Variants in LPP observed in about 807,000 individuals in gnomAD.
LPP encodes the protein LIM domain containing preferred translocation partner in lipoma.
A neutral mutation model predicts 60.4 loss-of-function variants in LPP; 38 were observed. The ratio of observed to expected loss-of-function variants is 0.63; its 90% confidence interval spans 0.49 to 0.83. The LOEUF is 0.83. LPP is among the 40% of genes least tolerant of loss of function. The probability of loss-of-function intolerance (pLI) is 0.00; values close to 1 mark genes in which losing one functional copy is unlikely to be tolerated. For synonymous variants in LPP, 328 were observed against 290.8 expected (o/e 1.13, Z -1.30); for missense variants, 902 against 783.6 (o/e 1.15, Z -1.80).
At chr3:188,637,400 A>T (rs1327115720) in intron 7 of LPP, among the ~76,000 whole-genome samples, 1 of 152,128 alleles carries the variant, frequency 6.6e-6, no homozygotes, top group Non-Finnish European at 1.5e-5. Context: ...AAATGCCCAC[A>T]AGAGAAAGCA....
At chr3:188,415,358 G>A (rs1018421532) in intron 4 of LPP, among the ~76,000 whole-genome samples, 1 of 152,094 alleles carries the variant, frequency 6.6e-6, no homozygotes, top group East Asian at 1.9e-4. Flanking sequence ...TTGTAGCCAC[G>A]ATGGAAAACT....
chr3:188,293,195 A>G (rs768685074), intron 2 of LPP, among the ~76,000 whole-genome samples: 6 of 152,244 alleles, frequency 3.9e-5, no homozygotes, highest in Non-Finnish European at 5.9e-5. Context: ...ACAGCACATT[A>G]TAGGTATTTA....
chr3:188,554,634 C>T (rs1212967806), intron 6 of LPP, among the ~76,000 whole-genome samples: 1 of 152,192 alleles, frequency 6.6e-6, no homozygotes. Flanking sequence ...TAGTCTATGA[C>T]TCACAATCCA....
At position 188,880,459 on chromosome 3, in the gene LPP, A is replaced by C. The variant is rs964435667; in HGVS notation, c.*5980A>C. 5.2e-6 allele frequency: 1 copy of C among 191,310 alleles called. No homozygotes were observed. Among genetic ancestry groups the C allele is most frequent in the Non-Finnish European group, 1.1e-5 (1 of 91,400 alleles). The allele number at this position is 191,310 out of a possible 1,614,324, so 11.9% of individuals were successfully genotyped here. A position where few individuals can be genotyped will look rare whatever the true frequency, so the allele number is the denominator to read the frequency against. ...TTGATGCACGAATAAATATCTCTAC[A>C]TCTAGCCTTTGTTAAAAATAAAAAT... On this transcript the variant is annotated 3_prime_UTR_variant, in exon 12 of 12. Transcript: ENST00000617246.
At chr3:188,800,963 A>G (rs1458873464) in intron 9 of LPP, among the ~76,000 whole-genome samples, 2 of 151,008 alleles carry the variant, frequency 1.3e-5, no homozygotes, top group Non-Finnish European at 3.0e-5. Flanking sequence ...CTAATTTGGA[A>G]CTCCTCCACA....
At chr3:188,657,281 T>TATATATATATATATA (rs10529848) in intron 7 of LPP, among the ~76,000 whole-genome samples, 39 of 143,514 alleles carry the variant, frequency 2.7e-4, no homozygotes, top group East Asian at 8.3e-4. Context: ...TATATATATA[T>TATATATATATATATA]TTCCAAAAGC....
At chr3:188,250,580 G>A (rs1013945722) in intron 2 of LPP, among the ~76,000 whole-genome samples, 1 of 152,050 alleles carries the variant, frequency 6.6e-6, no homozygotes, top group African/African-American at 2.4e-5. Flanking sequence ...TACTATGATT[G>A]GTGCAAAATT....
intron 7 of LPP, among the ~76,000 whole-genome samples, chr3:188,666,611 T>C (rs752554696): frequency 9.2e-5 from 14 of 152,234 alleles, no homozygotes; most frequent in Non-Finnish European, 7.3e-5. Flanking sequence ...ACAATTATTT[T>C]TCAACAGGAA....
At chr3:188,512,297 C>G (rs1380941070) in intron 5 of LPP, among the ~76,000 whole-genome samples, 1 of 152,128 alleles carries the variant, frequency 6.6e-6, no homozygotes, top group African/African-American at 2.4e-5. Context: ...GTGGCTCACA[C>G]CTGTAATCCC....
chr3:188,450,954 T>C (rs1197779303), intron 4 of LPP, among the ~76,000 whole-genome samples: 3 of 152,150 alleles, frequency 2.0e-5, no homozygotes, highest in African/African-American at 7.2e-5. Flanking sequence ...TTCTTAATGA[T>C]TGGCAGAAGT....
chr3:188,154,220 C>T lies in LPP; in HGVS notation c.-222C>T, dbSNP rs900878134. 1.3e-5 allele frequency among the ~76,000 whole-genome samples: 2 copies of T among 152,002 alleles called. No individual in the cohort carries two copies. Among genetic ancestry groups the T allele is most frequent in the East Asian group, 1.9e-4 (1 of 5,154 alleles). On this transcript the variant is annotated 5_prime_UTR_variant, in exon 1 of 12. Transcript: ENST00000617246. The stretch of plus-strand genomic sequence containing the variant: ...CCGCCGCCGCCGCCGCCGCCACCAC[C>T]ACCGCCGCTGCCCCGGCTGCCTCCT...
At chr3:188,683,707 G>A (rs373378585) in intron 7 of LPP, among the ~76,000 whole-genome samples, 27 of 152,266 alleles carry the variant, frequency 1.8e-4, no homozygotes, top group South Asian at 4.1e-4. Context: ...AAAATGTGTC[G>A]TCAGGAAATC....
At chr3:188,783,250 T>C (rs536019954) in intron 9 of LPP, among the ~76,000 whole-genome samples, 5 of 152,266 alleles carry the variant, frequency 3.3e-5, no homozygotes, top group Non-Finnish European at 7.3e-5. Context: ...GAAAGTTGGA[T>C]ATTAGAAATG....
At chr3:188,693,529 G>A (rs1158150063) in intron 7 of LPP, among the ~76,000 whole-genome samples, 2 of 152,162 alleles carry the variant, frequency 1.3e-5, no homozygotes, top group African/African-American at 4.8e-5. Context: ...AGGCCAGCTT[G>A]ATGAGGGCTT....
chr3:188,568,720 G>C (rs1356677067), intron 6 of LPP: 2 of 152,004 alleles, frequency 1.3e-5, no homozygotes, highest in Non-Finnish European at 2.9e-5. Flanking sequence ...TGACAAACTT[G>C]TAGGAGTTTG....
At chr3:188,590,797 G>A (rs1377576189) in intron 6 of LPP, among the ~76,000 whole-genome samples, 1 of 152,082 alleles carries the variant, frequency 6.6e-6, no homozygotes, top group East Asian at 1.9e-4. Context: ...CTAGGTCTCT[G>A]GAATTAAGTT....
chr3:188,357,491 T>C (rs924813675), intron 3 of LPP, among the ~76,000 whole-genome samples: 16 of 152,352 alleles, frequency 1.1e-4, no homozygotes, highest in Non-Finnish European at 1.5e-4. Context: ...GAAACAGCAG[T>C]TGCATGCCAA....
At chr3:188,432,231 T>TCCAAAC (rs1791076661) in intron 4 of LPP, among the ~76,000 whole-genome samples, 1 of 152,264 alleles carries the variant, frequency 6.6e-6, no homozygotes, top group Admixed American at 6.5e-5. Flanking sequence ...TATCTCTAAA[T>TCCAAAC]CCAAACTTCA....
intron 7 of LPP, among the ~76,000 whole-genome samples, chr3:188,658,489 A>G (rs1278211124): frequency 1.3e-5 from 2 of 152,126 alleles, no homozygotes; most frequent in South Asian, 2.1e-4. Flanking sequence ...AACAAACGAC[A>G]TACCCTCCGT....
Sources: gnomAD v4.1 joint callset for allele counts (sites outside exome capture counted in the v4.1 genomes callset) on GRCh38, gnomAD v4.1.1 for gene constraint, MANE v1.5 for transcripts, NCBI Gene and HGNC (gene_info 2026-07-23, HGNC 2026-07-21) for gene names.